Variants in MOB3A observed in about 807,000 individuals in gnomAD.
MOB3A encodes MOB LAK.
Under a neutral mutation model 17.8 loss-of-function variants are expected in MOB3A, and 17 were observed. That is an observed-to-expected ratio of 0.95 (90% confidence interval 0.65 to 1.43). The LOEUF (loss-of-function observed/expected upper bound fraction) is 1.43. Ranked by LOEUF, MOB3A falls within the 40% of genes most tolerant of loss-of-function variation. The pLI, the probability that MOB3A is intolerant of heterozygous loss-of-function variation, is 0.00. For missense variants in MOB3A, 333 were observed against 310.8 expected (o/e 1.07, Z -0.54); for synonymous variants, 124 against 133.2 (o/e 0.93, Z 0.48).
At chr19:2,079,749 C>T (rs2017462692) in intron 2 of MOB3A, among the ~76,000 whole-genome samples, 1 of 152,230 alleles carries the variant, frequency 6.6e-6, no homozygotes, top group Non-Finnish European at 1.5e-5. Context: ...CCCCTCTTCC[C>T]TTGATTTCAT....
chr19:2,075,476 A>G (rs977929797), intron 4 of MOB3A, among the ~76,000 whole-genome samples: 2 of 152,120 alleles, frequency 1.3e-5, no homozygotes, highest in Admixed American at 6.6e-5. Context: ...TCTACACACA[A>G]TAAAAAATCA....
In MOB3A at chr19:2,078,262, C is replaced by A; in HGVS notation, c.299G>T (p.Arg100Leu). 6.2e-7 allele frequency: 1 copy of A among 1,614,090 alleles called. No individual in the cohort carries two copies. The highest frequency in any genetic ancestry group is 2.2e-5 in the East Asian group (1 of 44,876). The stretch of plus-strand genomic sequence containing the variant: ...CCGGAACTTATGCTCATCCTGCCAG[C>A]GGTACTCATACTTGGGGCCCCCCGA... ...VMSGGPKYEY[R>L]WQDEHKFRKP... is the part of the protein sequence containing the mutation. The change falls in exon 3 of 5, where the codon CGC (arginine) becomes CTC (leucine). Residue 100 changes from arginine to leucine, a missense_variant. Transcript: ENST00000357066.
chr19:2,087,668 G>C (rs1378391172), intron 1 of MOB3A, among the ~76,000 whole-genome samples: 2 of 152,178 alleles, frequency 1.3e-5, no homozygotes, highest in African/African-American at 4.8e-5. Flanking sequence ...ACAAAGCTAA[G>C]ATCGTGTCAC....
At chr19:2,079,784 G>T (rs1025015067) in intron 2 of MOB3A, among the ~76,000 whole-genome samples, 3 of 152,224 alleles carry the variant, frequency 2.0e-5, no homozygotes, top group Non-Finnish European at 2.9e-5. Context: ...TTCCAGGTCG[G>T]GTCACATGGC....
intron 2 of MOB3A, among the ~76,000 whole-genome samples, chr19:2,083,587 A>C (rs2017516620): frequency 6.6e-6 from 1 of 152,214 alleles, no homozygotes; most frequent in Non-Finnish European, 1.5e-5. Context: ...ACCAAAGAGG[A>C]AACCGTGCAG....
At chr19:2,087,210 C>A (rs2017563669) in intron 1 of MOB3A, among the ~76,000 whole-genome samples, 1 of 152,198 alleles carries the variant, frequency 6.6e-6, no homozygotes, top group Admixed American at 6.5e-5. Context: ...ATAGTCTTTT[C>A]TTCTGTTTTT....
At chr19:2,095,912 T>TC (rs1210945475) in intron 1 of MOB3A, among the ~76,000 whole-genome samples, 6 of 151,952 alleles carry the variant, frequency 3.9e-5, no homozygotes, top group Non-Finnish European at 8.8e-5. Flanking sequence ...GTCCGGCTAA[T>TC]TTTGTATTTT....
chr19:2,089,140 T>C (rs894298969), intron 1 of MOB3A, among the ~76,000 whole-genome samples: 1 of 152,168 alleles, frequency 6.6e-6, no homozygotes, highest in Non-Finnish European at 1.5e-5. Context: ...TAAGTGATGG[T>C]GGACCTTTGC....
Position 2,094,041 on chromosome 19 carries a change from CTTTTTTT to C in MOB3A, c.-274+2178_-274+2184del, listed in dbSNP as rs1012593196. Among the ~76,000 whole-genome samples, 31 of 113,222 alleles carry C rather than the reference CTTTTTTT, an allele frequency of 2.7e-4. No homozygotes were observed. In the East Asian group the frequency reaches 6.2e-3, roughly 23 times the overall value. 74.3% of individuals were successfully genotyped at this position (113,222 alleles called of 152,430 possible). On this transcript the variant is annotated intron_variant, in intron 1 of 4. Transcript: ENST00000357066. ...CCCTCCTTCCTTCCCTATGTAAGTT[CTTTTTTT>C]TTTTTTTTTTTTTTTTGAGACAGAG...
At chr19:2,080,165 G>C (rs185435675) in intron 2 of MOB3A, among the ~76,000 whole-genome samples, 1 of 152,164 alleles carries the variant, frequency 6.6e-6, no homozygotes, top group African/African-American at 2.4e-5. Context: ...CCTTCTGGAC[G>C]GGCAGAGACT....
intron 4 of MOB3A, among the ~76,000 whole-genome samples, chr19:2,074,119 C>T (rs895468376): frequency 5.3e-5 from 8 of 151,760 alleles, no homozygotes; most frequent in African/African-American, 1.5e-4. Flanking sequence ...TGGTGAAACC[C>T]CGTCTCTACT....
intron 2 of MOB3A, among the ~76,000 whole-genome samples, chr19:2,084,793 G>T (rs1391196278): frequency 6.6e-6 from 1 of 151,970 alleles, no homozygotes; most frequent in East Asian, 1.9e-4. Flanking sequence ...GTTTCACCAT[G>T]CTGGCCAGGC....
intron 1 of MOB3A, among the ~76,000 whole-genome samples, chr19:2,088,269 C>A (rs1173330312): frequency 1.3e-5 from 2 of 152,154 alleles, no homozygotes; most frequent in South Asian, 2.1e-4. Context: ...GCTTGTCCTG[C>A]GAGTGGCAAG....
intron 1 of MOB3A, among the ~76,000 whole-genome samples, chr19:2,089,202 T>G (rs1163902953): frequency 2.0e-5 from 3 of 152,160 alleles, no homozygotes; most frequent in Non-Finnish European, 4.4e-5. Context: ...GGACCTGCTC[T>G]CGTGAAACTC....
At position 2,093,690 on chromosome 19, in the gene MOB3A, A is replaced by G. The variant is rs1298695807; in HGVS notation, c.-274+2536T>C. Among the ~76,000 whole-genome samples, 5 of 152,174 alleles carry G rather than the reference A, an allele frequency of 3.3e-5. No homozygotes were observed. Among genetic ancestry groups the G allele is most frequent in the African/African-American group, 1.2e-4 (5 of 41,440 alleles). On this transcript the variant is annotated intron_variant, in intron 1 of 4. Coordinates refer to ENST00000357066, the MANE Select transcript of MOB3A (RefSeq NM_130807.3). The surrounding 1 kb of genome is among the most constrained non-coding windows in gnomAD (Gnocchi z 4.6). ...ACCAGCCACATTGCAAGGCCTCCAC[A>G]GCCACAGGTAGTAAGCTCAGCTCCA...
intron 4 of MOB3A, 34 bp downstream of exon 4, chr19:2,076,777 G>T (rs769955422): frequency 3.2e-5 from 52 of 1,605,620 alleles, no homozygotes; most frequent in Non-Finnish European, 4.2e-5. Context: ...CAGCCCCACC[G>T]TAACCGCACG....
rs529377163 is a variant in MOB3A, at chr19:2,089,452, G to A, written c.-273-4124C>T. Among the ~76,000 whole-genome samples, 8 of 152,276 alleles carry A rather than the reference G, an allele frequency of 5.3e-5. No individual in the cohort carries two copies. The East Asian group carries it at 5.8e-4, about 11-fold the overall frequency. ...TGGGCACTGCAGGGTGCTGAGCAGCGTCCCTGGCCTCCACCCACTCCATGC... is the reference window on the plus strand; with the variant it reads ...TGGGCACTGCAGGGTGCTGAGCAGCATCCCTGGCCTCCACCCACTCCATGC... On this transcript the variant is annotated intron_variant, in intron 1 of 4. Coordinates refer to ENST00000357066, the MANE Select transcript of MOB3A (RefSeq NM_130807.3).
intron 2 of MOB3A, among the ~76,000 whole-genome samples, chr19:2,079,766 A>G (rs2017462900): frequency 6.6e-6 from 1 of 152,212 alleles, no homozygotes; most frequent in Admixed American, 6.5e-5. Context: ...TCATCCACAA[A>G]GACCCCCTTC....
At chr19:2,089,404 C>T (rs1172451885) in intron 1 of MOB3A, among the ~76,000 whole-genome samples, 1 of 152,154 alleles carries the variant, frequency 6.6e-6, no homozygotes, top group Non-Finnish European at 1.5e-5. Flanking sequence ...CGGCGTGGGT[C>T]ACTCTCTGGG....
Sources: allele counts gnomAD v4.1 joint callset (sites outside exome capture counted in the v4.1 genomes callset), GRCh38; gene constraint gnomAD v4.1.1; non-coding constraint Gnocchi (gnomAD v3.1); transcripts MANE v1.5; gene names NCBI Gene and HGNC (gene_info 2026-07-23, HGNC 2026-07-21).